Variants in MSH4 observed in about 807,000 individuals in gnomAD.
MSH4 encodes the protein mutS homolog 4.
MSH4 carries 106 observed loss-of-function variants against 113.7 expected under a neutral mutation model. The observed-to-expected ratio is 0.93, with a 90% confidence interval of 0.80 to 1.10. The LOEUF is 1.10. MSH4 is among the 50% of genes least tolerant of loss of function. The probability of loss-of-function intolerance (pLI) is 0.00; values close to 1 mark genes in which losing one functional copy is unlikely to be tolerated. For synonymous variants in MSH4, 368 were observed against 380.2 expected (o/e 0.97, Z 0.37); for missense variants, 1,061 against 1,093.7 (o/e 0.97, Z 0.42).
Position 75,803,003 on chromosome 1 carries a change from T to C in MSH4, c.245-728T>C, listed in dbSNP as rs577073948. Among the ~76,000 whole-genome samples the C allele has an allele frequency of 3.3e-5, 5 of 152,248 alleles. No homozygotes were observed. The South Asian group carries it at 1.0e-3, about 32-fold the overall frequency. On this transcript the variant is annotated intron_variant, in intron 1 of 19. Transcript: ENST00000263187. ...CGTGATAACCCATTAACCTATTAAATCATGAATGGATTAATTCATTCATGA... is the reference window on the plus strand; with the variant it reads ...CGTGATAACCCATTAACCTATTAAACCATGAATGGATTAATTCATTCATGA...
At chr1:75,826,643 A>G (rs1650560947) in intron 7 of MSH4, among the ~76,000 whole-genome samples, 1 of 152,144 alleles carries the variant, frequency 6.6e-6, no homozygotes, top group Non-Finnish European at 1.5e-5. Context: ...TGTGTCCCAG[A>G]GATTCTGGTA....
intron 17 of MSH4, among the ~76,000 whole-genome samples, chr1:75,896,265 G>A (rs1361222637): frequency 6.6e-6 from 1 of 151,508 alleles, no homozygotes; most frequent in Non-Finnish European, 1.5e-5. Flanking sequence ...TCTCCAGCTT[G>A]CTGACTGTAG....
chr1:75,812,013 T>A (rs1650199772), intron 4 of MSH4, among the ~76,000 whole-genome samples: 1 of 152,230 alleles, frequency 6.6e-6, no homozygotes, highest in Non-Finnish European at 1.5e-5. Flanking sequence ...TATAACTTTA[T>A]ACTTCTTTTC....
At chr1:75,859,627 A>T in intron 8 of MSH4, among the ~76,000 whole-genome samples, 1 of 152,146 alleles carries the variant, frequency 6.6e-6, no homozygotes. Flanking sequence ...TCTGAGAGGC[A>T]GTTTGTTGTG....
chr1:75,832,468 C>T (rs1650721832), intron 7 of MSH4, among the ~76,000 whole-genome samples: 2 of 150,506 alleles, frequency 1.3e-5, no homozygotes, highest in African/African-American at 2.4e-5. Flanking sequence ...CAAAGCCTGG[C>T]AGAGACACAA....
intron 19 of MSH4, among the ~76,000 whole-genome samples, chr1:75,908,129 T>C (rs1304243523): frequency 6.7e-6 from 1 of 148,916 alleles, no homozygotes; most frequent in Non-Finnish European, 1.5e-5. Flanking sequence ...TGCCATTTGA[T>C]TTTTAAAAAC....
At position 75,884,614 on chromosome 1, in the gene MSH4, C is replaced by T. The variant is rs5745495; in HGVS notation, c.2107+793C>T. Among the ~76,000 whole-genome samples the T allele has an allele frequency of 6.4e-3, 979 of 152,050 alleles. 16 individuals carry two copies. Among genetic ancestry groups the T allele is most frequent in the Admixed American group, 0.035 (539 of 15,208 alleles). On this transcript the variant is annotated intron_variant, in intron 15 of 19. Transcript: ENST00000263187. ...TGCACAGAACAGCTCTTCCTCTCCA[C>T]GCTCCCCTGCTTTCCTCACCCCACC...
At chr1:75,848,386 C>A in intron 8 of MSH4, 110 bp downstream of exon 8, 2 of 810,022 alleles carry the variant, frequency 2.5e-6, no homozygotes, top group Non-Finnish European at 4.0e-6. Context: ...GAAAGTCCTT[C>A]ATTATTGATA....
intron 2 of MSH4, among the ~76,000 whole-genome samples, chr1:75,806,387 A>G (rs996957907): frequency 6.6e-6 from 1 of 151,626 alleles, no homozygotes; most frequent in Non-Finnish European, 1.5e-5. Context: ...AGCTGGGACC[A>G]CAGGCACCTG....
At chr1:75,895,361 G>A (rs1652356379) in intron 17 of MSH4, among the ~76,000 whole-genome samples, 2 of 152,164 alleles carry the variant, frequency 1.3e-5, no homozygotes, top group South Asian at 4.1e-4. Context: ...CCCAACCCAG[G>A]CAGGACTATG....
Position 75,899,706 on chromosome 1 carries a change from G to A in MSH4, c.2619G>A (p.Leu873=). 3 of 1,477,008 alleles carry A rather than the reference G, an allele frequency of 2.0e-6. No individual in the cohort carries two copies. The highest frequency in any genetic ancestry group is 1.8e-6 in the Non-Finnish European group (2 of 1,117,490). 91.5% of individuals were successfully genotyped at this position (1,477,008 alleles called of 1,614,324 possible). A position where few individuals can be genotyped will look rare whatever the true frequency, so the allele number is the denominator to read the frequency against. Residue 873 remains leucine, a splice_region_variant and synonymous_variant, in exon 19 of 20, where the codon TTG becomes TTA. Coordinates refer to ENST00000263187, the MANE Select transcript of MSH4 (RefSeq NM_002440.4). ...CAACTCAAATTACGAGACAAATTTT[G>A]GTAAGAAACTTTGTTCTTATTTGTT... ...EITTQITRQI[L]QNQRSTPEME... is the part of the protein sequence containing the mutation.
At chr1:75,849,035 G>A (rs5745414) in intron 8 of MSH4, among the ~76,000 whole-genome samples, 42,239 of 151,872 alleles carry the variant, frequency 0.28, 6,173 homozygotes, top group Middle Eastern at 0.37. Context: ...AGGTTCAAGT[G>A]ATTCTCTTGC....
At chr1:75,833,589 T>C (rs1650758572) in intron 7 of MSH4, among the ~76,000 whole-genome samples, 1 of 152,106 alleles carries the variant, frequency 6.6e-6, no homozygotes, top group African/African-American at 2.4e-5. Context: ...AAAACATATA[T>C]AGACCAATGG....
chr1:75,822,632 T>C, intron 7 of MSH4, 51 bp downstream of exon 7: 1 of 964,408 alleles, frequency 1.0e-6, no homozygotes. Flanking sequence ...AAAAATACAG[T>C]TGGCTTAGTT....
chr1:75,874,231 T>C (rs1284422878), intron 9 of MSH4, among the ~76,000 whole-genome samples: 2 of 152,188 alleles, frequency 1.3e-5, no homozygotes, highest in Non-Finnish European at 2.9e-5. Context: ...TTTAGAAAAG[T>C]GTCTGTTTTG....
At chr1:75,848,590 T>C (rs1651123595) in intron 8 of MSH4, among the ~76,000 whole-genome samples, 1 of 152,072 alleles carries the variant, frequency 6.6e-6, no homozygotes, top group Non-Finnish European at 1.5e-5. Context: ...ATCAAAAAAT[T>C]AGCTGGGCAT....
intron 19 of MSH4, among the ~76,000 whole-genome samples, chr1:75,904,098 C>A (rs1457715607): frequency 3.9e-5 from 6 of 152,126 alleles, no homozygotes. Context: ...TTGTCAAATA[C>A]TTTTTCGGCA....
At chr1:75,834,579 A>C (rs1570957190) in intron 7 of MSH4, among the ~76,000 whole-genome samples, 1 of 152,240 alleles carries the variant, frequency 6.6e-6, no homozygotes, top group Non-Finnish European at 1.5e-5. Flanking sequence ...GCGCATATAC[A>C]CCATGGACTA....
chr1:75,819,498 A>G (rs1251472091), intron 6 of MSH4, among the ~76,000 whole-genome samples: 4 of 152,202 alleles, frequency 2.6e-5, no homozygotes, highest in Non-Finnish European at 5.9e-5. Context: ...TAAATAAATA[A>G]ATAAATAAAA....
Sources: allele counts gnomAD v4.1 joint callset (sites outside exome capture counted in the v4.1 genomes callset), GRCh38; gene constraint gnomAD v4.1.1; transcripts MANE v1.5; gene names NCBI Gene and HGNC (gene_info 2026-07-23, HGNC 2026-07-21).